The following ERMP1 variants were observed in gnomAD, a reference collection of about 807,000 sequenced individuals.
ERMP1 encodes the protein endoplasmic reticulum metallopeptidase 1.
In ERMP1, 86 loss-of-function variants were observed where a neutral mutation model predicts 92.0. That is an observed-to-expected ratio of 0.93 (90% CI 0.79 to 1.12). The LOEUF (loss-of-function observed/expected upper bound fraction) is 1.12, where lower values mean the gene tolerates loss of function less well. ERMP1 is among the 50% of genes most tolerant of loss of function. ERMP1 has a pLI of 0.00. For missense variants in ERMP1, 1,342 were observed against 1,116.3 expected, an observed-to-expected ratio of 1.20 and a Z score of -2.88; for synonymous variants, 530 against 412.8, an observed-to-expected ratio of 1.28 and a Z score of -3.44.
intron 6 of ERMP1, among the ~76,000 whole-genome samples, chr9:5,839,037 C>T (rs1227128600): frequency 3.3e-5 from 5 of 152,156 alleles, no homozygotes; most frequent in Non-Finnish European, 5.9e-5. Flanking sequence ...GTCTGTAGAT[C>T]ACCATCATTT....
At chr9:5,800,976 T>G (rs1242411852) in intron 11 of ERMP1, among the ~76,000 whole-genome samples, 200 bp downstream of exon 11, 1 of 152,218 alleles carries the variant, frequency 6.6e-6, no homozygotes, top group Non-Finnish European at 1.5e-5. Flanking sequence ...CAATTCAGTC[T>G]CCTGGGAGAT....
At chr9:5,866,916 T>C (rs1420842444) in intron 5 of ERMP1, among the ~76,000 whole-genome samples, 1 of 152,102 alleles carries the variant, frequency 6.6e-6, no homozygotes, top group African/African-American at 2.4e-5. Flanking sequence ...TAAGAATGGG[T>C]TGTTTGAGGC....
chr9:5,858,945 A>G (rs1344332264), intron 6 of ERMP1, among the ~76,000 whole-genome samples: 1 of 152,200 alleles, frequency 6.6e-6, no homozygotes, highest in Non-Finnish European at 1.5e-5. Context: ...CCAAGTCCCT[A>G]TATGCCTGGC....
intron 2 of ERMP1, among the ~76,000 whole-genome samples, chr9:5,828,498 TACTA>T (rs1462839896): frequency 4.6e-5 from 7 of 152,244 alleles, no homozygotes; most frequent in East Asian, 1.9e-4. Context: ...TATAACACTT[TACTA>T]ACTAACCTTT....
chr9:5,841,323 T>G (rs899803067), intron 6 of ERMP1, among the ~76,000 whole-genome samples: 1 of 152,220 alleles, frequency 6.6e-6, no homozygotes, highest in Non-Finnish European at 1.5e-5. Flanking sequence ...TTGAAAACAT[T>G]GTGCTAAGTG....
chr9:5,835,780 G>A (rs1830090064), upstream of ERMP1, among the ~76,000 whole-genome samples: 1 of 152,182 alleles, frequency 6.6e-6, no homozygotes, highest in African/African-American at 2.4e-5. Flanking sequence ...TCCATCCCAG[G>A]CAGAGCAGCA....
intron 6 of ERMP1, among the ~76,000 whole-genome samples, chr9:5,811,684 T>A (rs1829101377): frequency 6.6e-6 from 1 of 152,216 alleles, no homozygotes; most frequent in Non-Finnish European, 1.5e-5. Context: ...CCCATTCATT[T>A]AATAATATAT....
chr9:5,796,720 G>A (rs1027095797), intron 13 of ERMP1, among the ~76,000 whole-genome samples: 1 of 152,150 alleles, frequency 6.6e-6, no homozygotes, highest in African/African-American at 2.4e-5. Context: ...TAAGGAGAGT[G>A]GGAAGAAAAG....
upstream of ERMP1, among the ~76,000 whole-genome samples, chr9:5,833,913 A>C (rs147506383): frequency 2.0e-5 from 3 of 152,284 alleles, no homozygotes; most frequent in African/African-American, 7.2e-5. Flanking sequence ...GTGATTATCT[A>C]GTCTTCTTCC....
In ERMP1 at chr9:5,811,388, T is replaced by C. The variant is rs1829088530; in HGVS notation, c.1115-65A>G. ...AAGATAAAAAGGCTGAATAAACTAT[T>C]TGTGATTTACACATACCACTATTTA... On this transcript the variant is annotated intron_variant, in intron 6 of 14. Coordinates refer to ENST00000339450, the MANE Select transcript of ERMP1 (RefSeq NM_024896.3). 2.4e-6 allele frequency: 3 copies of C among 1,251,754 alleles called. No homozygotes were observed. The South Asian group carries it at 4.1e-5, about 17-fold the overall frequency. The allele number at this position is 1,251,754 out of a possible 1,614,324, so 77.5% of individuals were successfully genotyped here. A position where few individuals can be genotyped will look rare whatever the true frequency, so the allele number is the denominator to read the frequency against.
At chr9:5,817,120 G>A (rs140495262) in intron 4 of ERMP1, among the ~76,000 whole-genome samples, 6,817 of 151,946 alleles carry the variant, frequency 0.045, 271 homozygotes, top group South Asian at 0.21. Context: ...GGAAGGTCTC[G>A]ATCTCCTGAC....
intron 4 of ERMP1, among the ~76,000 whole-genome samples, chr9:5,818,644 G>C (rs1344118900): frequency 2.0e-5 from 3 of 151,734 alleles, no homozygotes; most frequent in African/African-American, 7.3e-5. Flanking sequence ...GAGCCCAGGA[G>C]CTGGAAACCA....
intron 6 of ERMP1, among the ~76,000 whole-genome samples, chr9:5,859,330 C>A (rs1323349058): frequency 6.6e-6 from 1 of 152,138 alleles, no homozygotes; most frequent in Non-Finnish European, 1.5e-5. Context: ...TTTCAAAGCA[C>A]TTCCCCAACC....
chr9:5,835,622 C>G (rs926756732), upstream of ERMP1, among the ~76,000 whole-genome samples: 3 of 152,284 alleles, frequency 2.0e-5, no homozygotes, highest in Non-Finnish European at 4.4e-5. Flanking sequence ...CTAAAGCAGA[C>G]TGAGCCAGGA....
chr9:5,846,028 T>C (rs1325668426), intron 6 of ERMP1, among the ~76,000 whole-genome samples: 1 of 152,212 alleles, frequency 6.6e-6, no homozygotes, highest in Non-Finnish European at 1.5e-5. Flanking sequence ...GCTTAGGTGC[T>C]ACCTGGGGAT....
exon 6 of ERMP1, among the ~76,000 whole-genome samples, chr9:5,859,589 G>C (rs960441178): frequency 6.6e-6 from 1 of 152,190 alleles, no homozygotes; most frequent in Non-Finnish European, 1.5e-5. Flanking sequence ...GAATGAGAAA[G>C]ACCTGTGATC....
intron 4 of ERMP1, among the ~76,000 whole-genome samples, chr9:5,813,669 A>G (rs1829194025): frequency 6.6e-6 from 1 of 151,944 alleles, no homozygotes; most frequent in Admixed American, 6.6e-5. Flanking sequence ...CAGATTAGGG[A>G]TGCTCAATCT....
At position 5,832,690 on chromosome 9, in the gene ERMP1, C is replaced by G; in HGVS notation, c.338G>C (p.Arg113Thr). Reference protein sequence around the residue: ...HRGEFDALQARDYLEHITSIG... With the variant: ...HRGEFDALQATDYLEHITSIG... The stretch of plus-strand genomic sequence containing the variant: ...CGTGCCAGGAGGGAGCGGCCGGTAC[C>G]TGGCTTGGAGCGCGTCGAACTCCCC... Residue 113 changes from arginine (R) to threonine (T), a missense_variant and splice_region_variant, in exon 1 of 15, where the codon AGG becomes ACG. Coordinates refer to ENST00000339450, the MANE Select transcript of ERMP1 (RefSeq NM_024896.3). 10 of 1,446,216 alleles carry G rather than the reference C, an allele frequency of 6.9e-6. No homozygotes were observed. The highest frequency in any genetic ancestry group is 1.5e-5 in the African/African-American group (1 of 67,522). 89.6% of individuals were successfully genotyped at this position (1,446,216 alleles called of 1,614,324 possible).
chr9:5,813,196 G>C (rs978783639), intron 4 of ERMP1, among the ~76,000 whole-genome samples, 161 bp from the exon 5 acceptor site: 4 of 152,006 alleles, frequency 2.6e-5, no homozygotes, highest in Non-Finnish European at 5.9e-5. Flanking sequence ...ATGTTTCTCT[G>C]ATATATGTGT....
Sources: gnomAD v4.1 joint callset for allele counts (sites outside exome capture counted in the v4.1 genomes callset) on GRCh38, gnomAD v4.1.1 for gene constraint, MANE v1.5 for transcripts, NCBI Gene and HGNC (gene_info 2026-07-23, HGNC 2026-07-21) for gene names.